Variants in NPHP1 observed in about 807,000 individuals in gnomAD.
NPHP1 encodes nephrocystin 1, also known as nephrocystin-1.
A neutral mutation model predicts 90.4 loss-of-function variants in NPHP1; 70 were observed. The observed-to-expected ratio is 0.77, with a 90% CI of 0.64 to 0.95. The LOEUF (loss-of-function observed/expected upper bound fraction) is 0.95, where lower values mean the gene tolerates loss of function less well. Among genes scored for constraint, NPHP1 ranks in the 40% least tolerant of loss-of-function variants. The pLI is 0.00. For missense variants in NPHP1, 764 were observed against 795.9 expected, an observed-to-expected ratio of 0.96 and a Z score of 0.48; for synonymous variants, 256 against 271.7, an observed-to-expected ratio of 0.94 and a Z score of 0.57.
At chr2:110,163,981 A>ATT in intron 8 of NPHP1, 1 of 155,832 alleles carries the variant, frequency 6.4e-6, no homozygotes, top group East Asian at 1.9e-4. Flanking sequence ...CCGGCCTGTA[A>ATT]TTTTTTTTTA....
At chr2:110,159,497 C>T (rs1682148215) in intron 11 of NPHP1, among the ~76,000 whole-genome samples, 1 of 151,718 alleles carries the variant, frequency 6.6e-6, no homozygotes, top group Admixed American at 6.6e-5. Flanking sequence ...CTTCTTATGC[C>T]AGTTTCAGTA....
At chr2:110,146,870 C>A (rs1054388433) in intron 13 of NPHP1, 35 bp from the exon 14 acceptor site, 3 of 1,451,082 alleles carry the variant, frequency 2.1e-6, no homozygotes, top group African/African-American at 2.8e-5. Flanking sequence ...AACTTAAGGT[C>A]TGAACTAGTC....
intron 2 of NPHP1, among the ~76,000 whole-genome samples, chr2:110,183,494 G>A (rs1482160432): frequency 6.6e-6 from 1 of 152,052 alleles, no homozygotes; most frequent in Non-Finnish European, 1.5e-5. Flanking sequence ...CAATAAATAT[G>A]TGGGTAAATC....
chr2:110,154,813 G>A (rs1681765508), intron 11 of NPHP1, among the ~76,000 whole-genome samples: 1 of 152,138 alleles, frequency 6.6e-6, no homozygotes, highest in Non-Finnish European at 1.5e-5. Flanking sequence ...CATAAGGGAA[G>A]TGGAGCATAA....
intron 2 of NPHP1, among the ~76,000 whole-genome samples, chr2:110,182,194 C>A (rs1483616533): frequency 6.6e-6 from 1 of 151,916 alleles, no homozygotes; most frequent in South Asian, 2.1e-4. Context: ...AAAATGGAAC[C>A]ACGTTGAAAA....
intron 19 of NPHP1, chr2:110,125,360 C>T: frequency 6.6e-7 from 1 of 1,505,674 alleles, no homozygotes; most frequent in Non-Finnish European, 8.8e-7. Context: ...AAATTTGATA[C>T]ACAACTGAGA....
intron 11 of NPHP1, 128 bp downstream of exon 11, chr2:110,159,999 A>C (rs1315523274): frequency 2.2e-6 from 2 of 922,778 alleles, no homozygotes; most frequent in Non-Finnish European, 3.4e-6. Context: ...AGAGTCATTC[A>C]AATTTTTCTT....
Position 110,146,779 on chromosome 2 carries a change from A to C in NPHP1, c.1326T>G (p.Asp442Glu). Residue 442 changes from aspartate to glutamate, a missense_variant, in exon 14 of 20, where the codon GAT becomes GAG. Coordinates refer to ENST00000445609, the MANE Select transcript of NPHP1 (RefSeq NM_001128178.3). The part of the protein sequence containing the change: ...SCGWVFLKLF[D>E]ASGVPIPAKT... Reference sequence around the variant, plus strand: ...TTGCTGGAATAGGAACTCCACTGGCATCAAAAAGTTTAAGAAACACCCAGC... The same window carrying C: ...TTGCTGGAATAGGAACTCCACTGGCCTCAAAAAGTTTAAGAAACACCCAGC... The C allele has an allele frequency of 6.2e-7, 1 of 1,613,286 alleles. No homozygotes were observed. The highest frequency in any genetic ancestry group is 8.5e-7 in the Non-Finnish European group (1 of 1,179,268).
intron 16 of NPHP1, among the ~76,000 whole-genome samples, chr2:110,139,974 G>C (rs1445733050): frequency 6.6e-6 from 1 of 152,108 alleles, no homozygotes; most frequent in African/African-American, 2.4e-5. Flanking sequence ...ATGTCCAAAA[G>C]GGCCCAGGCT....
intron 11 of NPHP1, among the ~76,000 whole-genome samples, chr2:110,154,549 A>G (rs980708219): frequency 5.3e-5 from 8 of 152,192 alleles, no homozygotes; most frequent in Non-Finnish European, 7.3e-5. Context: ...CTTTTTGACA[A>G]AAATGCTGAT....
intron 4 of NPHP1, chr2:110,178,111 C>T: frequency 2.4e-6 from 1 of 414,028 alleles, no homozygotes; most frequent in Non-Finnish European, 4.3e-6. Flanking sequence ...AATCATTTCC[C>T]TTTTACACAT....
chr2:110,130,777 G>A (rs1679719455), intron 17 of NPHP1, among the ~76,000 whole-genome samples: 1 of 152,032 alleles, frequency 6.6e-6, no homozygotes, highest in Non-Finnish European at 1.5e-5. Flanking sequence ...TTCCCTCATA[G>A]GTCTAATTCC....
chr2:110,124,691 AGGC>A, intron 19 of NPHP1: 1 of 174,470 alleles, frequency 5.7e-6, no homozygotes, highest in Non-Finnish European at 1.2e-5. Context: ...AGCTGTCCAC[AGGC>A]AGCAGAGTCT....
chr2:110,180,276 CAG>C (rs912938012), intron 2 of NPHP1, among the ~76,000 whole-genome samples: 1 of 151,964 alleles, frequency 6.6e-6, no homozygotes, highest in African/African-American at 2.4e-5. Context: ...CAGACAGGTC[CAG>C]AGTTTTATTT....
chr2:110,136,494 C>T (rs555753154), intron 16 of NPHP1, among the ~76,000 whole-genome samples: 15 of 152,172 alleles, frequency 9.9e-5, no homozygotes, highest in East Asian at 1.9e-4. Context: ...ACAAAATCCA[C>T]GTGCAAAAAT....
intron 9 of NPHP1, 26 bp from the exon 10 acceptor site, chr2:110,161,723 T>C (rs1302294710): frequency 6.5e-7 from 1 of 1,528,282 alleles, no homozygotes; most frequent in Non-Finnish European, 9.1e-7. Flanking sequence ...TTTCTTCATT[T>C]TCTTACAAAG....
chr2:110,196,523 G>A (rs1379871151), intron 2 of NPHP1, among the ~76,000 whole-genome samples: 2 of 152,172 alleles, frequency 1.3e-5, no homozygotes, highest in Non-Finnish European at 2.9e-5. Context: ...TGGAGAGGAT[G>A]TGGAGAAATA....
chr2:110,159,438 T>A (rs77517397), intron 11 of NPHP1, among the ~76,000 whole-genome samples: 5 of 152,036 alleles, frequency 3.3e-5, no homozygotes, highest in African/African-American at 1.2e-4. Flanking sequence ...GATTTTTTTT[T>A]AATTATAGGT....
chr2:110,184,201 C>A, intron 2 of NPHP1: 2 of 567,426 alleles, frequency 3.5e-6, no homozygotes, highest in Non-Finnish European at 3.5e-6. Flanking sequence ...CGTATCATGG[C>A]AGGAGCCCTT....
Sources: gnomAD v4.1 joint callset for allele counts (sites outside exome capture counted in the v4.1 genomes callset) on GRCh38, gnomAD v4.1.1 for gene constraint, MANE v1.5 for transcripts, NCBI Gene and HGNC (gene_info 2026-07-23, HGNC 2026-07-21) for gene names.